FAS: variants seen among roughly 807,000 people sequenced by gnomAD.
FAS encodes Fas cell surface death receptor.
A neutral mutation model predicts 33.2 loss-of-function variants in FAS; 5 were observed. The ratio of observed to expected loss-of-function variants is 0.15; its 90% CI spans 0.08 to 0.32. FAS has a LOEUF of 0.32. Ranked by LOEUF, FAS falls within the 10% of genes least tolerant of loss-of-function variation. The pLI is 1.00. For missense variants in FAS, 339 were observed against 386.0 expected (o/e 0.88, Z 1.02); for synonymous variants, 131 against 130.7 (o/e 1.00, Z -0.01).
chr10:88,997,249 A>G (rs1847654502), intron 1 of FAS, among the ~76,000 whole-genome samples: 1 of 152,242 alleles, frequency 6.6e-6, no homozygotes, highest in Admixed American at 6.5e-5. Context: ...TAGGGGCCTT[A>G]GCACTTTTTA....
intron 1 of FAS, among the ~76,000 whole-genome samples, chr10:88,994,284 C>T (rs1564675096): frequency 6.6e-6 from 1 of 152,094 alleles, no homozygotes; most frequent in East Asian, 1.9e-4. Context: ...GGTCTGAAAC[C>T]TAAGTAAGGA....
At position 89,015,826 on chromosome 10, in the gene FAS, T is replaced by C; in HGVS notation, c.*1376T>C. 2.3e-6 allele frequency: 1 copy of C among 439,122 alleles called. No individual in the cohort carries two copies. Among genetic ancestry groups the C allele is most frequent in the Non-Finnish European group, 4.3e-6 (1 of 231,936 alleles). 27.2% of individuals were successfully genotyped at this position (439,122 alleles called of 1,614,324 possible). On this transcript the variant is annotated 3_prime_UTR_variant, in exon 9 of 9. Transcript: ENST00000652046. ...TTTTTGGTAGGGGCTTGCTTTTTGG[T>C]TTTGTCTTCCTTTTCTCTAACTGAT...
intron 1 of FAS, among the ~76,000 whole-genome samples, chr10:89,000,880 C>T (rs1404945373): frequency 2.7e-5 from 4 of 150,170 alleles, no homozygotes; most frequent in African/African-American, 7.3e-5. Context: ...AATGCCGTCT[C>T]TACTAAAAAT....
At chr10:88,999,510 C>T (rs1847810880) in intron 1 of FAS, among the ~76,000 whole-genome samples, 1 of 152,116 alleles carries the variant, frequency 6.6e-6, no homozygotes, top group South Asian at 2.1e-4. Flanking sequence ...CAAAAATACT[C>T]GGTTCAAATG....
intron 4 of FAS, among the ~76,000 whole-genome samples, chr10:89,010,012 T>G (rs1431108668): frequency 1.3e-5 from 2 of 152,164 alleles, no homozygotes; most frequent in East Asian, 3.8e-4. Context: ...TTGTGAATGT[T>G]TGTCTGTCTG....
intron 2 of FAS, 36 bp from the exon 3 acceptor site, chr10:89,007,664 C>A (rs934024817): frequency 3.7e-6 from 6 of 1,609,264 alleles, no homozygotes; most frequent in Non-Finnish European, 5.1e-6. Context: ...CTGCCCGTGT[C>A]CTGTTCAAAC....
upstream of FAS, chr10:88,989,359 A>T: frequency 6.9e-6 from 2 of 288,786 alleles, no homozygotes; most frequent in Non-Finnish European, 7.1e-6. Context: ...TTTTATTTAA[A>T]TGAACTTTTC....
At chr10:88,974,630 G>T (rs996353513) in intron 2 of FAS, 3 of 152,058 alleles carry the variant, frequency 2.0e-5, no homozygotes, top group Non-Finnish European at 4.4e-5. Flanking sequence ...GAGATTATAG[G>T]CATGAGCCAC....
At chr10:88,973,324 A>T in exon 2 of FAS, 1 of 1,566,422 alleles carries the variant, frequency 6.4e-7, no homozygotes, top group Non-Finnish European at 8.6e-7. Flanking sequence ...GAGAGACAAG[A>T]AGTGGAATGG....
In FAS at chr10:89,003,032, C is replaced by T. The variant is rs772912891; in HGVS notation, c.34C>T (p.Leu12Phe). The T allele has an allele frequency of 5.6e-6, 9 of 1,614,086 alleles. No individual in the cohort carries two copies. In the South Asian group the frequency reaches 7.7e-5, roughly 14 times the overall value. ...LGIWTLLPLVLTSVARLSSKS... is the reference protein window; with the variant it reads ...LGIWTLLPLVFTSVARLSSKS... ...TCTTCATGCTTTTATTTTACAGGTT[C>T]TTACGTCTGTTGCTAGATTATCGTC... The change falls in exon 2 of 9, where the codon CTT (leucine) becomes TTT (phenylalanine). Residue 12 changes from leucine (L) to phenylalanine (F), a missense_variant. This residue lies in a region of FAS where 276 missense variants were observed against 300.1 expected (regional missense o/e 0.92). Coordinates refer to ENST00000652046, the MANE Select transcript of FAS (RefSeq NM_000043.6).
upstream of FAS, among the ~76,000 whole-genome samples, chr10:88,986,838 A>G (rs1846906865): frequency 6.6e-6 from 1 of 152,208 alleles, no homozygotes; most frequent in African/African-American, 2.4e-5. Flanking sequence ...TTTCATCTGA[A>G]CTGTGACCCC....
rs572682409 is a variant in FAS at position 88,964,899 on chromosome 10, T to C, written n.95-8283T>C. 2.6e-5 allele frequency among the ~76,000 whole-genome samples: 4 copies of C among 152,288 alleles called. No individual in the cohort carries two copies. In the East Asian group the frequency reaches 7.7e-4, roughly 29 times the overall value. On this transcript the variant is annotated intron_variant and non_coding_transcript_variant, in intron 1 of 3. Coordinates refer to the FAS transcript ENST00000688239. Reference sequence around the variant, plus strand: ...CGCCTGTTTTTCCTCTGCCCTCCTGTTTGCTGCTCCTTTGCAACTTTCACT... The same window carrying C: ...CGCCTGTTTTTCCTCTGCCCTCCTGCTTGCTGCTCCTTTGCAACTTTCACT...
rs1848690373 is a variant in FAS at position 89,014,441 on chromosome 10, C to T, written c.999C>T (p.Ser333=). ...ENSNFRNEIQ[S]LV ...CAAACTTCAGAAATGAAATCCAAAG[C>T]TTGGTCTAGAGTGAAAAACAACAAA... The change falls in exon 9 of 9, where the codon AGC becomes AGT. Residue 333 remains serine (S), a synonymous_variant. Coordinates refer to ENST00000652046, the MANE Select transcript of FAS (RefSeq NM_000043.6). The T allele has an allele frequency of 2.5e-6, 4 of 1,609,080 alleles. No individual in the cohort carries two copies. The highest frequency in any genetic ancestry group is 2.5e-6 in the Non-Finnish European group (3 of 1,179,808).
At chr10:89,007,943 CA>C in intron 3 of FAS, 106 bp downstream of exon 3, 1 of 1,550,108 alleles carries the variant, frequency 6.5e-7, no homozygotes, top group Admixed American at 1.7e-5. Flanking sequence ...TATGTTGACA[CA>C]CAGGAAAGGG....
At chr10:88,975,046 T>C (rs1846531622) in intron 2 of FAS, 1 of 152,210 alleles carries the variant, frequency 6.6e-6, no homozygotes. Flanking sequence ...CTGTAATTTC[T>C]AGCATGTAGT....
At chr10:89,011,777 T>C (rs1848542126) in intron 6 of FAS, among the ~76,000 whole-genome samples, 1 of 152,234 alleles carries the variant, frequency 6.6e-6, no homozygotes, top group South Asian at 2.1e-4. Flanking sequence ...GGCCAGCCTG[T>C]GGTAATTAGA....
chr10:89,014,720 T>A lies in FAS; in HGVS notation c.*270T>A. On this transcript the variant is annotated 3_prime_UTR_variant, in exon 9 of 9. Coordinates refer to ENST00000652046, the MANE Select transcript of FAS (RefSeq NM_000043.6). ...GGAGTGTATGCAGAGGATGAAAGATTAAGATTATGCTCTGGCATCTAACAT... is the reference window on the plus strand; with the variant it reads ...GGAGTGTATGCAGAGGATGAAAGATAAAGATTATGCTCTGGCATCTAACAT... 2 of 620,360 alleles carry A rather than the reference T, an allele frequency of 3.2e-6. No individual in the cohort carries two copies. The highest frequency in any genetic ancestry group is 6.0e-6 in the Non-Finnish European group (2 of 333,792). 38.4% of individuals were successfully genotyped at this position (620,360 alleles called of 1,614,324 possible). A position where few individuals can be genotyped will look rare whatever the true frequency, so the allele number is the denominator to read the frequency against.
chr10:89,004,498 A>G (rs1243652048), intron 2 of FAS, among the ~76,000 whole-genome samples: 5 of 150,246 alleles, frequency 3.3e-5, no homozygotes, highest in Non-Finnish European at 7.4e-5. Context: ...TATATCTCCC[A>G]ATGCTATCCC....
At chr10:88,969,934 T>A (rs555595557) in intron 1 of FAS, among the ~76,000 whole-genome samples, 1 of 152,256 alleles carries the variant, frequency 6.6e-6, no homozygotes, top group Admixed American at 6.5e-5. Flanking sequence ...TTATGTTGAA[T>A]GAATGAATGA....
Sources: allele counts gnomAD v4.1 joint callset (sites outside exome capture counted in the v4.1 genomes callset), GRCh38; gene constraint gnomAD v4.1.1; regional missense constraint gnomAD v4.1.1; transcripts MANE v1.5; gene names NCBI Gene and HGNC (gene_info 2026-07-23, HGNC 2026-07-21).